TBC1D4: variants seen among roughly 807,000 people sequenced by gnomAD.
TBC1D4 encodes TBC1 domain family member 4.
TBC1D4 carries 121 observed loss-of-function variants against 142.5 expected under a neutral mutation model. The ratio of observed to expected loss-of-function variants is 0.85; its 90% CI spans 0.73 to 0.99. TBC1D4 has a LOEUF of 0.99. Ranked by LOEUF, TBC1D4 falls within the 50% of genes least tolerant of loss-of-function variation. The pLI is 0.00. For synonymous variants in TBC1D4, 630 were observed against 628.2 expected (o/e 1.00, Z -0.04); for missense variants, 1,475 against 1,606.6 (o/e 0.92, Z 1.40).
intron 1 of TBC1D4, among the ~76,000 whole-genome samples, chr13:75,456,460 A>G (rs1354349839): frequency 2.0e-5 from 3 of 150,924 alleles, no homozygotes; most frequent in Non-Finnish European, 3.0e-5. Flanking sequence ...TCTACAAATC[A>G]TAAGACAATT....
Position 75,482,058 on chromosome 13 carries a change from T to G in TBC1D4, c.-291A>C. ...CTGGCGCCTCGGGCAGGACCTCCCC[T>G]TCCTCCGTCGCGGGTTTGCAGGGTC... On this transcript the variant is annotated 5_prime_UTR_variant, in exon 1 of 21. Coordinates refer to ENST00000377636, the MANE Select transcript of TBC1D4 (RefSeq NM_014832.5). The G allele has an allele frequency of 3.2e-4, 98 of 305,960 alleles. No homozygotes were observed. Among genetic ancestry groups the G allele is most frequent in the South Asian group, 4.1e-4 (3 of 7,356 alleles). 19.0% of individuals were successfully genotyped at this position (305,960 alleles called of 1,614,324 possible). A position where few individuals can be genotyped will look rare whatever the true frequency, so the allele number is the denominator to read the frequency against.
intron 1 of TBC1D4, among the ~76,000 whole-genome samples, chr13:75,391,195 TACAC>T (rs111629817): frequency 0.03 from 4,237 of 141,978 alleles, 151 homozygotes; most frequent in African/African-American, 0.086. Context: ...CCCATCAGTT[TACAC>T]ACACACACAC....
chr13:75,299,577 G>T lies in TBC1D4; in HGVS notation c.2912-3C>A. 2 of 1,613,986 alleles carry T rather than the reference G, an allele frequency of 1.2e-6. No individual in the cohort carries two copies. Among genetic ancestry groups the T allele is most frequent in the South Asian group, 2.2e-5 (2 of 91,064 alleles). ...AGGGTGAGTAGGAAACGTCCTTCCT[G>T]CAGAGGAAAAGAAGGAAAATATTTT... is the stretch of plus-strand genomic sequence containing the variant. On this transcript the variant is annotated splice_polypyrimidine_tract_variant and splice_region_variant and intron_variant, in intron 16 of 20. Coordinates refer to ENST00000377636, the MANE Select transcript of TBC1D4 (RefSeq NM_014832.5).
At chr13:75,480,877 G>GCGCACACACACACACA (rs1197246407) in intron 1 of TBC1D4, among the ~76,000 whole-genome samples, 7 of 124,064 alleles carry the variant, frequency 5.6e-5, no homozygotes, top group African/African-American at 1.8e-4. Flanking sequence ...GCACACGCAC[G>GCGCACACACACACACA]CACACACACA....
chr13:75,409,090 G>C (rs1178801976), intron 1 of TBC1D4, among the ~76,000 whole-genome samples: 1 of 151,534 alleles, frequency 6.6e-6, no homozygotes, highest in Non-Finnish European at 1.5e-5. Flanking sequence ...TTTTCATAAA[G>C]AGTTATTGGT....
At chr13:75,374,250 A>G (rs1883377406) in intron 1 of TBC1D4, among the ~76,000 whole-genome samples, 2 of 152,068 alleles carry the variant, frequency 1.3e-5, no homozygotes, top group African/African-American at 4.8e-5. Context: ...ACTCAATCCG[A>G]TGACACCATG....
At chr13:75,413,398 G>A (rs1454656101) in intron 1 of TBC1D4, among the ~76,000 whole-genome samples, 1 of 152,186 alleles carries the variant, frequency 6.6e-6, no homozygotes, top group African/African-American at 2.4e-5. Flanking sequence ...TTGACCTTGT[G>A]ATCTGCCTGC....
intron 1 of TBC1D4, among the ~76,000 whole-genome samples, chr13:75,452,110 G>A (rs891332842): frequency 1.3e-5 from 2 of 151,184 alleles, no homozygotes; most frequent in Non-Finnish European, 3.0e-5. Flanking sequence ...TTTTTTTTTG[G>A]TTGCTTATAT....
intron 8 of TBC1D4, among the ~76,000 whole-genome samples, chr13:75,333,423 G>A (rs546433397): frequency 6.6e-6 from 1 of 152,268 alleles, no homozygotes; most frequent in Non-Finnish European, 1.5e-5. Context: ...CCCTGGGTGG[G>A]CTTTGTGAGG....
chr13:75,473,064 G>A (rs1227109441), intron 1 of TBC1D4, among the ~76,000 whole-genome samples: 2 of 152,106 alleles, frequency 1.3e-5, no homozygotes, highest in Non-Finnish European at 2.9e-5. Flanking sequence ...GCACAATCAC[G>A]GCTCACTGCA....
intron 1 of TBC1D4, among the ~76,000 whole-genome samples, chr13:75,416,914 G>A (rs998711409): frequency 6.6e-6 from 1 of 152,162 alleles, no homozygotes. Flanking sequence ...ACCCCTGGAG[G>A]AGAAAAGAGG....
At chr13:75,306,167 G>T (rs1877160830) in intron 15 of TBC1D4, 146 bp downstream of exon 15, 2 of 751,586 alleles carry the variant, frequency 2.7e-6, no homozygotes, top group South Asian at 3.9e-5. Context: ...ACTACAGGAA[G>T]AAACAAATTA....
intron 5 of TBC1D4, among the ~76,000 whole-genome samples, chr13:75,348,116 G>C (rs1046172051): frequency 1.3e-5 from 2 of 152,012 alleles, no homozygotes; most frequent in African/African-American, 4.8e-5. Flanking sequence ...AATCCAGCCT[G>C]GGCAACAGAG....
At chr13:75,434,403 AG>A (rs1886707533) in intron 1 of TBC1D4, among the ~76,000 whole-genome samples, 1 of 152,224 alleles carries the variant, frequency 6.6e-6, no homozygotes, top group African/African-American at 2.4e-5. Flanking sequence ...AAACTAACAC[AG>A]GAACAGAAAA....
chr13:75,435,102 C>T (rs1326846432), intron 1 of TBC1D4, among the ~76,000 whole-genome samples: 1 of 151,942 alleles, frequency 6.6e-6, no homozygotes, highest in African/African-American at 2.4e-5. Flanking sequence ...TCCTAACGTA[C>T]TTGATTCATC....
intron 1 of TBC1D4, among the ~76,000 whole-genome samples, chr13:75,366,071 C>T (rs1196646061): frequency 3.3e-5 from 5 of 152,160 alleles, no homozygotes; most frequent in African/African-American, 4.8e-5. Context: ...AAGCTACACA[C>T]CCTAGCTACA....
intron 1 of TBC1D4, among the ~76,000 whole-genome samples, chr13:75,413,491 A>G (rs573315331): frequency 3.9e-5 from 6 of 152,064 alleles, no homozygotes; most frequent in Admixed American, 2.6e-4. Context: ...ACATTATAAG[A>G]TTTTTTTGTG....
intron 8 of TBC1D4, 53 bp from the exon 9 acceptor site, chr13:75,327,879 A>T: frequency 6.3e-7 from 1 of 1,576,164 alleles, no homozygotes; most frequent in East Asian, 2.2e-5. Context: ...ATTTTACTTC[A>T]AAACTATAAA....
At chr13:75,374,849 A>G (rs1410309173) in intron 1 of TBC1D4, among the ~76,000 whole-genome samples, 23 of 152,190 alleles carry the variant, frequency 1.5e-4, no homozygotes, top group Admixed American at 1.5e-3. Context: ...CGTATCAGCT[A>G]TAATAGACAC....
Sources: allele counts gnomAD v4.1 joint callset (sites outside exome capture counted in the v4.1 genomes callset), GRCh38; gene constraint gnomAD v4.1.1; transcripts MANE v1.5; gene names NCBI Gene and HGNC (gene_info 2026-07-23, HGNC 2026-07-21).